The following KCNC3 variants were observed in gnomAD, a reference collection of about 807,000 sequenced individuals.
KCNC3 encodes potassium voltage-gated channel subfamily C member 3, also known as voltage-gated potassium channel KCNC3.
Under a neutral mutation model 43.9 loss-of-function variants are expected in KCNC3, and 22 were observed. That is an observed-to-expected ratio of 0.50 (90% CI 0.36 to 0.72). KCNC3 has a LOEUF of 0.72. Ranked by LOEUF, KCNC3 falls within the 30% of genes least tolerant of loss-of-function variation. The probability of loss-of-function intolerance (pLI) is 0.00; values close to 1 mark genes in which losing one functional copy is unlikely to be tolerated. For synonymous variants in KCNC3, 492 were observed against 488.0 expected (o/e 1.01, Z -0.11); for missense variants, 829 against 1,073.8 (o/e 0.77, Z 3.19).
At chr19:50,330,621 A>G (rs1051092808), upstream of KCNC3, among the ~76,000 whole-genome samples, 6 of 152,122 alleles carry the variant, frequency 3.9e-5, no homozygotes, top group African/African-American at 1.4e-4. Context: ...CCGAGGGTAG[A>G]TGAGGACTGG....
chr19:50,328,644 C>G lies in KCNC3; in HGVS notation c.439G>C (p.Val147Leu). Residue 147 changes from valine to leucine, a missense_variant, in exon 1 of 5, where the codon GTG (valine) becomes CTG (leucine). Coordinates refer to ENST00000477616, the MANE Select transcript of KCNC3 (RefSeq NM_004977.3). ...TTGCCGGTGCGGTAGTAGTTGAGCA[C>G]GTACGCGAAGACTCCCGGGTGCCGG... ...FDRHPGVFAY[V>L]LNYYRTGKLH... 2 of 1,611,530 alleles carry G rather than the reference C, an allele frequency of 1.2e-6. No individual in the cohort carries two copies. Among genetic ancestry groups the G allele is most frequent in the Non-Finnish European group, 1.7e-6 (2 of 1,179,388 alleles).
rs1027443146 is a variant in KCNC3, at chr19:50,324,323, G to A, written c.871-241C>T. Among the ~76,000 whole-genome samples the A allele has an allele frequency of 6.6e-6, 1 of 152,320 alleles. No homozygotes were observed. The highest frequency in any genetic ancestry group is 2.1e-4 in the South Asian group (1 of 4,822). ...TGGAGAAGAGCTGGCCCCAGCAGAC[G>A]CAGCAGATGGGCAGCTTCTTTCCTT... On this transcript the variant is annotated intron_variant, in intron 1 of 4. Transcript: ENST00000477616. The surrounding 1 kb of genome is among the most constrained non-coding windows in gnomAD (Gnocchi z 4.1).
At chr19:50,327,794 G>C (rs905905196) in intron 1 of KCNC3, among the ~76,000 whole-genome samples, 2 of 151,966 alleles carry the variant, frequency 1.3e-5, no homozygotes, top group Admixed American at 1.3e-4. Flanking sequence ...ACCAAGGGCT[G>C]GACGGTGACC....
At position 50,324,472 on chromosome 19, in the gene KCNC3, G is replaced by A. The variant is rs1220683638; in HGVS notation, c.871-390C>T. 1.3e-5 allele frequency among the ~76,000 whole-genome samples: 2 copies of A among 152,094 alleles called. No homozygotes were observed. The highest frequency in any genetic ancestry group is 2.4e-5 in the African/African-American group (1 of 41,424). ...TCTGCTGTGGGACGGGAGCCGCCAG[G>A]CCTAAGATCACACATCCTGTGTGTC... On this transcript the variant is annotated intron_variant, in intron 1 of 4. Transcript: ENST00000477616. The surrounding 1 kb of genome is among the most constrained non-coding windows in gnomAD (Gnocchi z 4.1).
At chr19:50,317,904 G>C (rs2123520785) in intron 4 of KCNC3, among the ~76,000 whole-genome samples, 1 of 152,120 alleles carries the variant, frequency 6.6e-6, no homozygotes, top group African/African-American at 2.4e-5. Flanking sequence ...GGCTCAGACA[G>C]TCCTCCCACC....
intron 4 of KCNC3, among the ~76,000 whole-genome samples, chr19:50,319,425 A>G (rs1160546518): frequency 6.6e-6 from 1 of 152,100 alleles, no homozygotes; most frequent in African/African-American, 2.4e-5. Flanking sequence ...ACAAGGTGGC[A>G]GCCTCTCAGC....
chr19:50,331,883 C>A (rs1025006492), upstream of KCNC3, among the ~76,000 whole-genome samples: 1 of 152,072 alleles, frequency 6.6e-6, no homozygotes, highest in Non-Finnish European at 1.5e-5. Flanking sequence ...TTCTCAGACC[C>A]CCCATCACCC....
chr19:50,322,237 C>A (rs1348416891), intron 2 of KCNC3, among the ~76,000 whole-genome samples: 5 of 152,152 alleles, frequency 3.3e-5, no homozygotes, highest in Non-Finnish European at 1.5e-5. Flanking sequence ...GAGGAACACA[C>A]ACAGAAGCAC....
intron 4 of KCNC3, among the ~76,000 whole-genome samples, chr19:50,316,753 G>A (rs2036959755): frequency 6.6e-6 from 1 of 151,826 alleles, no homozygotes; most frequent in Non-Finnish European, 1.5e-5. Context: ...AAAACGAAAG[G>A]GTTGGGAAGG....
rs2037075364 is a variant in KCNC3 at position 50,324,268 on chromosome 19, C to G, written c.871-186G>C. Among the ~76,000 whole-genome samples, 1 of 152,050 alleles carries G rather than the reference C, an allele frequency of 6.6e-6. No individual in the cohort carries two copies. Among genetic ancestry groups the G allele is most frequent in the African/African-American group, 2.4e-5 (1 of 41,414 alleles). ...ATCCCATTCTCCCCTCTAAAGCTAG[C>G]AAAAAGGGAGAGAAAGGAACAGAGG... is the stretch of plus-strand genomic sequence containing the variant. On this transcript the variant is annotated intron_variant, in intron 1 of 4. Transcript: ENST00000477616. This position sits in a 1 kb window ranked among gnomAD's most constrained non-coding sequence, Gnocchi z 4.1.
At chr19:50,328,068 G>A (rs1397403587) in intron 1 of KCNC3, 145 bp downstream of exon 1, 2 of 411,196 alleles carry the variant, frequency 4.9e-6, no homozygotes, top group Non-Finnish European at 7.1e-6. Context: ...GAGGAGCCCA[G>A]GAGACTCAGG....
upstream of KCNC3, among the ~76,000 whole-genome samples, chr19:50,332,664 C>T (rs2037201012): frequency 6.6e-6 from 1 of 152,058 alleles, no homozygotes; most frequent in Non-Finnish European, 1.5e-5. The surrounding 1 kb of genome is among the most constrained non-coding windows in gnomAD (Gnocchi z 5.8). Flanking sequence ...TGTTCACAGA[C>T]CAGGAGGAAG....
intron 1 of KCNC3, among the ~76,000 whole-genome samples, chr19:50,326,194 T>C (rs1169827381): frequency 3.3e-5 from 5 of 152,134 alleles, no homozygotes; most frequent in East Asian, 1.9e-4. Context: ...CCAAAACACA[T>C]TGGCGGAGTA....
intron 1 of KCNC3, among the ~76,000 whole-genome samples, chr19:50,325,424 A>T (rs1034916582): frequency 1.3e-5 from 2 of 151,298 alleles, no homozygotes; most frequent in Non-Finnish European, 2.9e-5. Context: ...AAGGGCCAGC[A>T]CTGTCCCTCT....
upstream of KCNC3, among the ~76,000 whole-genome samples, chr19:50,330,439 A>G (rs2037174572): frequency 6.6e-6 from 1 of 151,750 alleles, no homozygotes; most frequent in Non-Finnish European, 1.5e-5. Flanking sequence ...GAACAATGAG[A>G]CTACAAAGAG....
chr19:50,312,302 C>CTG lies in KCNC3; in HGVS notation c.*3811_*3812dup, dbSNP rs10666239. On this transcript the variant is annotated 3_prime_UTR_variant, in exon 5 of 5. Transcript: ENST00000477616. The stretch of plus-strand genomic sequence containing the variant: ...ATTTGAGTGAGAGAAACTTATTGCT[C>CTG]TGTGTGTGTGTGTGTGTGTGTTGGG... 0.41 allele frequency: 60,355 copies of CTG among 148,604 alleles called. 13,344 individuals are homozygous for CTG. The highest frequency in any genetic ancestry group is 0.84 in the East Asian group (4,118 of 4,874). The allele number at this position is 148,604 out of a possible 1,614,324, so 9.2% of individuals were successfully genotyped here.
rs2037143897 is a variant in KCNC3 at position 50,328,945 on chromosome 19, GGGCTGCGCA to G, written c.129_137del (p.Ala44_Pro46del). 1.2e-6 allele frequency: 1 copy of G among 845,630 alleles called. No homozygotes were observed. Among genetic ancestry groups the G allele is most frequent in the South Asian group, 5.1e-5 (1 of 19,438 alleles). 52.4% of individuals were successfully genotyped at this position (845,630 alleles called of 1,614,324 possible). On this transcript the variant is annotated inframe_deletion, in exon 1 of 5. Transcript: ENST00000477616. Reference sequence around the variant, plus strand: ...GGCCCGCCGGGGACGCGGCGGGGCCGGGCTGCGCAGGCTGCTGCTGCTGCGGCGGCAGCG... The same window carrying G: ...GGCCCGCCGGGGACGCGGCGGGGCCGGGCTGCTGCTGCTGCGGCGGCAGCG...
chr19:50,328,374 C>T lies in KCNC3; in HGVS notation c.709G>A (p.Gly237Arg). 8.3e-7 allele frequency: 1 copy of T among 1,210,440 alleles called. No homozygotes were observed. The highest frequency in any genetic ancestry group is 1.0e-6 in the Non-Finnish European group (1 of 976,338). The allele number at this position is 1,210,440 out of a possible 1,614,324, so 75.0% of individuals were successfully genotyped here. The change falls in exon 1 of 5, where the codon GGA becomes AGA. Residue 237 changes from glycine (G) to arginine (R), a missense_variant. Transcript: ENST00000477616. ...EAGAGGGGLDGAGGELKRLCF... is the reference protein window; with the variant it reads ...EAGAGGGGLDRAGGELKRLCF... ...AGGCGCTTGAGCTCGCCGCCCGCTC[C>T]GTCCAGGCCGCCGCCGCCCGCGCCC...
intron 1 of KCNC3, among the ~76,000 whole-genome samples, chr19:50,325,231 G>C (rs984868385): frequency 2.0e-5 from 3 of 152,152 alleles, no homozygotes; most frequent in African/African-American, 7.2e-5. Context: ...ATGCAGAGGG[G>C]TGGGAGGGGA....
Sources: gnomAD v4.1 joint callset for allele counts (sites outside exome capture counted in the v4.1 genomes callset) on GRCh38, gnomAD v4.1.1 for gene constraint, Gnocchi (gnomAD v3.1) non-coding constraint, MANE v1.5 for transcripts, NCBI Gene and HGNC (gene_info 2026-07-23, HGNC 2026-07-21) for gene names.